Variants in CYS1 observed in about 807,000 individuals in gnomAD.
The protein encoded by CYS1 is cystin-1.
CYS1 carries 5 observed loss-of-function variants against 9.6 expected under a neutral mutation model. The observed-to-expected ratio is 0.52, with a 90% CI of 0.27 to 1.10. CYS1 has a LOEUF of 1.10. Among genes scored for constraint, CYS1 ranks in the 50% least tolerant of loss-of-function variants. The pLI, the probability that CYS1 is intolerant of heterozygous loss-of-function variation, is 0.11. For missense variants in CYS1, 221 were observed against 207.9 expected (o/e 1.06, Z -0.39); for synonymous variants, 88 against 95.7 (o/e 0.92, Z 0.47).
chr2:10,074,725 G>A (rs886995128), intron 1 of CYS1, among the ~76,000 whole-genome samples: 5 of 152,172 alleles, frequency 3.3e-5, no homozygotes, highest in African/African-American at 1.2e-4. Flanking sequence ...CTCTTAGCTT[G>A]GAATCCTGTG....
intron 1 of CYS1, among the ~76,000 whole-genome samples, chr2:10,067,402 TTTTC>T (rs1661712704): frequency 1.6e-5 from 2 of 123,360 alleles, no homozygotes; most frequent in Non-Finnish European, 3.4e-5. Context: ...AAAAAAATTC[TTTTC>T]TTTTTTTTTT....
intron 2 of CYS1, among the ~76,000 whole-genome samples, chr2:10,064,880 G>A (rs937261045): frequency 1.3e-5 from 2 of 150,958 alleles, no homozygotes; most frequent in South Asian, 2.1e-4. Flanking sequence ...ACTGTGCCCG[G>A]CTAATTTTTG....
chr2:10,078,515 G>C (rs1408757184), intron 1 of CYS1, among the ~76,000 whole-genome samples: 1 of 152,200 alleles, frequency 6.6e-6, no homozygotes, highest in Non-Finnish European at 1.5e-5. Context: ...AGCTGCCCCA[G>C]CCACCAGTGA....
chr2:10,069,216 A>G (rs958572711), intron 1 of CYS1, among the ~76,000 whole-genome samples: 4 of 152,152 alleles, frequency 2.6e-5, no homozygotes, highest in Non-Finnish European at 5.9e-5. Flanking sequence ...CTGCAAAGGT[A>G]TAAGGGAAAG....
At chr2:10,072,942 G>A (rs1466516162) in intron 1 of CYS1, among the ~76,000 whole-genome samples, 1 of 150,096 alleles carries the variant, frequency 6.7e-6, no homozygotes, top group Non-Finnish European at 1.5e-5. Context: ...GCGCAGGTGG[G>A]GTCTGCGCGG....
chr2:10,064,340 T>C (rs1661666582), intron 2 of CYS1, among the ~76,000 whole-genome samples: 3 of 152,218 alleles, frequency 2.0e-5, no homozygotes, highest in Admixed American at 1.3e-4. Flanking sequence ...TGTGCACGTG[T>C]AGAAGTCAGA....
chr2:10,079,771 G>T, intron 1 of CYS1, 135 bp downstream of exon 1: 1 of 450,068 alleles, frequency 2.2e-6, no homozygotes, highest in Non-Finnish European at 3.1e-6. Context: ...CGGGGAGGCC[G>T]GGGCAGCGGG....
Position 10,063,778 on chromosome 2 carries a change from A to G in CYS1, c.371+2126T>C, listed in dbSNP as rs1167099856. 2.0e-5 allele frequency among the ~76,000 whole-genome samples: 3 copies of G among 152,164 alleles called. No individual in the cohort carries two copies. The highest frequency in any genetic ancestry group is 7.2e-5 in the African/African-American group (3 of 41,428). ...GTGGGCAGCGAGAAGCACAGTGGGT[A>G]CAGGGCAGATGCTGCCAGCCCTGAC... On this transcript the variant is annotated intron_variant, in intron 2 of 2. Coordinates refer to ENST00000381813, the MANE Select transcript of CYS1 (RefSeq NM_001037160.3). The surrounding 1 kb of genome is among the most constrained non-coding windows in gnomAD (Gnocchi z 4.2).
chr2:10,071,504 G>A (rs570191452), intron 1 of CYS1, among the ~76,000 whole-genome samples: 4 of 152,264 alleles, frequency 2.6e-5, no homozygotes, highest in South Asian at 4.1e-4. Context: ...CCCCCAGAGC[G>A]GACGCAGGAG....
At chr2:10,062,290 C>T (rs554729702) in intron 2 of CYS1, among the ~76,000 whole-genome samples, 4 of 152,184 alleles carry the variant, frequency 2.6e-5, no homozygotes, top group African/African-American at 7.2e-5. Flanking sequence ...GAAACCAATA[C>T]GCTTCTCCAG....
chr2:10,058,715 T>G lies in CYS1; in HGVS notation c.*138A>C. ...CAGGTCAGCGCGGTCTGAAAGTGGATTTGAAAGGGCAGCTTTGAATATCCG... is the reference window on the plus strand; with the variant it reads ...CAGGTCAGCGCGGTCTGAAAGTGGAGTTGAAAGGGCAGCTTTGAATATCCG... On this transcript the variant is annotated 3_prime_UTR_variant, in exon 3 of 3. Transcript: ENST00000381813. The G allele has an allele frequency of 1.4e-6, 1 of 728,756 alleles. No individual in the cohort carries two copies. Among genetic ancestry groups the G allele is most frequent in the Non-Finnish European group, 2.2e-6 (1 of 462,350 alleles). 45.1% of individuals were successfully genotyped at this position (728,756 alleles called of 1,614,324 possible).
chr2:10,070,335 CTGTTT>C (rs1247106544), intron 1 of CYS1, among the ~76,000 whole-genome samples: 1 of 152,110 alleles, frequency 6.6e-6, no homozygotes, highest in African/African-American at 2.4e-5. Context: ...GATGGAGAAC[CTGTTT>C]TATTTTTATT....
chr2:10,061,525 G>A (rs1661626333), intron 2 of CYS1, among the ~76,000 whole-genome samples: 1 of 152,242 alleles, frequency 6.6e-6, no homozygotes, highest in Non-Finnish European at 1.5e-5. Flanking sequence ...CCCCCTGCTT[G>A]CCTGTGGATG....
intron 2 of CYS1, among the ~76,000 whole-genome samples, chr2:10,065,021 C>T (rs1661676749): frequency 2.0e-5 from 3 of 152,048 alleles, no homozygotes; most frequent in South Asian, 2.1e-4. Context: ...GGATTATAGG[C>T]GTGAGCCACT....
intron 1 of CYS1, among the ~76,000 whole-genome samples, chr2:10,074,567 G>A (rs1480586592): frequency 6.6e-6 from 1 of 152,158 alleles, no homozygotes; most frequent in Non-Finnish European, 1.5e-5. Flanking sequence ...AGAGTTGGGA[G>A]GAAGGGAAAT....
At chr2:10,068,799 C>T (rs1163300482) in intron 1 of CYS1, among the ~76,000 whole-genome samples, 1 of 152,178 alleles carries the variant, frequency 6.6e-6, no homozygotes, top group Non-Finnish European at 1.5e-5. Flanking sequence ...ACCAGCTAGG[C>T]GTGGTGGCTA....
In CYS1 at chr2:10,063,084, G is replaced by T. The variant is rs531797125; in HGVS notation, c.371+2820C>A. On this transcript the variant is annotated intron_variant, in intron 2 of 2. Transcript: ENST00000381813. The surrounding 1 kb of genome is among the most constrained non-coding windows in gnomAD (Gnocchi z 4.2). ...GGCCCTCCCGGGGGAAGGACCTGGC[G>T]TTGTCAGGATGGTCAGGACTGGGGT... is the stretch of plus-strand genomic sequence containing the variant. Among the ~76,000 whole-genome samples the T allele has an allele frequency of 6.6e-6, 1 of 152,242 alleles. No individual in the cohort carries two copies. Among genetic ancestry groups the T allele is most frequent in the East Asian group, 1.9e-4 (1 of 5,198 alleles).
At chr2:10,064,602 A>C (rs1027368606) in intron 2 of CYS1, among the ~76,000 whole-genome samples, 1 of 151,810 alleles carries the variant, frequency 6.6e-6, no homozygotes, top group Admixed American at 6.6e-5. Flanking sequence ...TCCCTCCCCA[A>C]TTCCCTCCTA....
intron 2 of CYS1, among the ~76,000 whole-genome samples, chr2:10,064,044 G>A (rs1295558077): frequency 1.3e-5 from 2 of 152,100 alleles, no homozygotes; most frequent in East Asian, 1.9e-4. Context: ...CCAACTTGGC[G>A]AAACCCTGTC....
Sources: gnomAD v4.1 joint callset for allele counts (sites outside exome capture counted in the v4.1 genomes callset) on GRCh38, gnomAD v4.1.1 for gene constraint, Gnocchi (gnomAD v3.1) non-coding constraint, MANE v1.5 for transcripts, NCBI Gene and HGNC (gene_info 2026-07-23, HGNC 2026-07-21) for gene names.